Variants in DMRTA1 observed in about 807,000 individuals in gnomAD.
DMRTA1 encodes the protein DMRT like family A1.
DMRTA1 carries 34 observed loss-of-function variants against 35.2 expected under a neutral mutation model. The observed-to-expected ratio is 0.97, with a 90% CI of 0.74 to 1.29. DMRTA1 has a LOEUF of 1.29. Among genes scored for constraint, DMRTA1 ranks in the 50% most tolerant of loss-of-function variants. DMRTA1 has a pLI of 0.00. For synonymous variants in DMRTA1, 344 were observed against 276.6 expected, an observed-to-expected ratio of 1.24 and a Z score of -2.42; for missense variants, 824 against 644.6, an observed-to-expected ratio of 1.28 and a Z score of -3.01.
chr9:22,449,799 C>T (rs1411111266), intron 1 of DMRTA1, among the ~76,000 whole-genome samples: 1 of 152,040 alleles, frequency 6.6e-6, no homozygotes, highest in African/African-American at 2.4e-5. Flanking sequence ...AAATTGTATA[C>T]ACTTTAATTT....
Position 22,451,259 on chromosome 9 carries a change from G to A in DMRTA1, c.863G>A (p.Gly288Asp), listed in dbSNP as rs952326505. 2 of 1,613,968 alleles carry A rather than the reference G, an allele frequency of 1.2e-6. No individual in the cohort carries two copies. Among genetic ancestry groups the A allele is most frequent in the African/African-American group, 2.7e-5 (2 of 74,928 alleles). ...CCTCATCCTGGAGAGCAATCAGGAG[G>A]TGAAGAGAGTCCCAGGTCCTTATCA... ...LSPHPGEQSGGEESPRSLSSS... is the reference protein window; with the variant it reads ...LSPHPGEQSGDEESPRSLSSS... Residue 288 changes from glycine to aspartate, a missense_variant, in exon 2 of 2, where the codon GGT (glycine) becomes GAT (aspartate). Transcript: ENST00000325870.
chr9:22,451,392 C>G lies in DMRTA1; in HGVS notation c.996C>G (p.Ile332Met), dbSNP rs779618649. 1.2e-6 allele frequency: 2 copies of G among 1,614,118 alleles called. No homozygotes were observed. Among genetic ancestry groups the G allele is most frequent in the South Asian group, 2.2e-5 (2 of 91,084 alleles). The change falls in exon 2 of 2, where the codon ATC becomes ATG. Residue 332 changes from isoleucine (I) to methionine (M), a missense_variant. Coordinates refer to ENST00000325870, the MANE Select transcript of DMRTA1 (RefSeq NM_022160.3). ...VSSRPRDPLD[I>M]LTKIFPNYRR... ...CAAGACCAAGAGATCCTCTTGATATCCTTACTAAGATTTTCCCAAATTACA... is the reference window on the plus strand; with the variant it reads ...CAAGACCAAGAGATCCTCTTGATATGCTTACTAAGATTTTCCCAAATTACA...
At position 22,453,038 on chromosome 9, in the gene DMRTA1, G is replaced by C. The variant is rs73650103; in HGVS notation, c.*1127G>C. ...TTTTTGTCCTCCCTCTGGCGCATTT[G>C]AAAACTATTTATTTCAGTCAGTGGA... On this transcript the variant is annotated 3_prime_UTR_variant, in exon 2 of 2. Coordinates refer to ENST00000325870, the MANE Select transcript of DMRTA1 (RefSeq NM_022160.3). The C allele has an allele frequency of 3.6e-3, 550 of 152,156 alleles. 4 individuals carry two copies. Among genetic ancestry groups the C allele is most frequent in the African/African-American group, 0.013 (525 of 41,538 alleles). The allele number at this position is 152,156 out of a possible 1,614,324, so 9.4% of individuals were successfully genotyped here.
At position 22,453,031 on chromosome 9, in the gene DMRTA1, C is replaced by T. The variant is rs1289819779; in HGVS notation, c.*1120C>T. 1.3e-5 allele frequency: 2 copies of T among 152,174 alleles called. No individual in the cohort carries two copies. Among genetic ancestry groups the T allele is most frequent in the East Asian group, 3.9e-4 (2 of 5,188 alleles). 9.4% of individuals were successfully genotyped at this position (152,174 alleles called of 1,614,324 possible). On this transcript the variant is annotated 3_prime_UTR_variant, in exon 2 of 2. Transcript: ENST00000325870. ...AAAATAATTTTTGTCCTCCCTCTGGCGCATTTGAAAACTATTTATTTCAGT... is the reference window on the plus strand; with the variant it reads ...AAAATAATTTTTGTCCTCCCTCTGGTGCATTTGAAAACTATTTATTTCAGT...
rs1166705400 is a variant in DMRTA1 at position 22,447,466 on chromosome 9, G to A, written c.401G>A (p.Arg134His). The change falls in exon 1 of 2, where the codon CGC (arginine) becomes CAC (histidine). Residue 134 changes from arginine to histidine, a missense_variant. By Grantham distance (29) the Arg-to-His change is conservative. Transcript: ENST00000325870. ...TGCACCCTGATCGCCGAGCGCCAGC[G>A]CGTCATGGCCGCCCAGGTGGCGCTG... ...AKCTLIAERQ[R>H]VMAAQVALRR... 1 of 1,554,756 alleles carries A rather than the reference G, an allele frequency of 6.4e-7. No individual in the cohort carries two copies. Among genetic ancestry groups the A allele is most frequent in the South Asian group, 1.2e-5 (1 of 85,418 alleles).
In DMRTA1 at chr9:22,451,433, A is replaced by T; in HGVS notation, c.1037A>T (p.Glu346Val). The T allele has an allele frequency of 6.2e-7, 1 of 1,614,176 alleles. No individual in the cohort carries two copies. Among genetic ancestry groups the T allele is most frequent in the Non-Finnish European group, 8.5e-7 (1 of 1,179,996 alleles). The change falls in exon 2 of 2, where the codon GAA becomes GTA. Residue 346 changes from glutamate to valine, a missense_variant. Glu to Val is a moderately radical substitution (Grantham distance 121, BLOSUM62 -2). Transcript: ENST00000325870. ...CCAAATTACAGGCGCAGCCGGCTAGAAGGCATTCTACGGTTCTGCAAAGGG... is the reference window on the plus strand; with the variant it reads ...CCAAATTACAGGCGCAGCCGGCTAGTAGGCATTCTACGGTTCTGCAAAGGG... ...IFPNYRRSRL[E>V]GILRFCKGDV...
chr9:22,451,926 C>T lies in DMRTA1; in HGVS notation c.*15C>T, dbSNP rs754562934. Reference sequence around the variant, plus strand: ...ACAATCCGTAATGTATATGCCCATTCTCTCTTTCTGGAGTTTTTCCAGCAT... The same window carrying T: ...ACAATCCGTAATGTATATGCCCATTTTCTCTTTCTGGAGTTTTTCCAGCAT... On this transcript the variant is annotated 3_prime_UTR_variant, in exon 2 of 2. Coordinates refer to ENST00000325870, the MANE Select transcript of DMRTA1 (RefSeq NM_022160.3). 8.1e-6 allele frequency: 13 copies of T among 1,611,500 alleles called. No individual in the cohort carries two copies. The highest frequency in any genetic ancestry group is 4.4e-5 in the South Asian group (4 of 90,996).
chr9:22,448,826 T>G (rs1450763175), intron 1 of DMRTA1, among the ~76,000 whole-genome samples: 5 of 146,192 alleles, frequency 3.4e-5, no homozygotes, highest in Non-Finnish European at 5.9e-5. Context: ...TCAGAGTGAA[T>G]TTTGTGTTTG....
chr9:22,451,734 A>T lies in DMRTA1; in HGVS notation c.1338A>T (p.Arg446Ser). 1.2e-6 allele frequency: 2 copies of T among 1,614,084 alleles called. No individual in the cohort carries two copies. The highest frequency in any genetic ancestry group is 1.7e-6 in the Non-Finnish European group (2 of 1,179,940). Residue 446 changes from arginine (R) to serine (S), a missense_variant, in exon 2 of 2, where the codon AGA (arginine) becomes AGT (serine). Transcript: ENST00000325870. ...GGCTGGCATATTCTTCTGCAGGAAG[A>T]GGGTTATCTGGTTTTATGTCACCCT... is the stretch of plus-strand genomic sequence containing the variant. Reference protein sequence around the residue: ...PLRLAYSSAGRGLSGFMSPYL... With the variant: ...PLRLAYSSAGSGLSGFMSPYL...
In DMRTA1 at chr9:22,451,370, G is replaced by A; in HGVS notation, c.974G>A (p.Arg325Lys). 6.2e-7 allele frequency: 1 copy of A among 1,614,078 alleles called. No homozygotes were observed. Residue 325 changes from arginine (R) to lysine (K), a missense_variant, in exon 2 of 2, where the codon AGA (arginine) becomes AAA (lysine). Transcript: ENST00000325870. Reference sequence around the variant, plus strand: ...GCAAGCCTTCCGACAGTGTCCTCAAGACCAAGAGATCCTCTTGATATCCTT... The same window carrying A: ...GCAAGCCTTCCGACAGTGTCCTCAAAACCAAGAGATCCTCTTGATATCCTT... Reference protein sequence around the residue: ...TKASLPTVSSRPRDPLDILTK... With the variant: ...TKASLPTVSSKPRDPLDILTK...
In DMRTA1 at chr9:22,451,300, T is replaced by C; in HGVS notation, c.904T>C (p.Ser302Pro). 1 of 1,614,118 alleles carries C rather than the reference T, an allele frequency of 6.2e-7. No individual in the cohort carries two copies. Among genetic ancestry groups the C allele is most frequent in the Non-Finnish European group, 8.5e-7 (1 of 1,179,972 alleles). Residue 302 changes from serine (S) to proline (P), a missense_variant, in exon 2 of 2, where the codon TCA (serine) becomes CCA (proline). Coordinates refer to ENST00000325870, the MANE Select transcript of DMRTA1 (RefSeq NM_022160.3). ...GTCCTTATCATCCTCTGATCTGGAA[T>C]CAGGAAATGAAAGTGAATGGGTCAA... ...PRSLSSSDLE[S>P]GNESEWVKDL...
At position 22,453,908 on chromosome 9, in the gene DMRTA1, A is replaced by C. The variant is rs1334625025; in HGVS notation, c.*1997A>C. ...GGAAGTTACATTATACAATAGAGAT[A>C]TGGTTTAAAAAAAAATCCTAGAGTT... is the stretch of plus-strand genomic sequence containing the variant. On this transcript the variant is annotated 3_prime_UTR_variant, in exon 2 of 2. Transcript: ENST00000325870. The C allele has an allele frequency of 1.3e-5, 2 of 152,088 alleles. No individual in the cohort carries two copies. The highest frequency in any genetic ancestry group is 2.9e-5 in the Non-Finnish European group (2 of 67,952). 9.4% of individuals were successfully genotyped at this position (152,088 alleles called of 1,614,324 possible).
Position 22,446,982 on chromosome 9 carries a change from C to T in DMRTA1, c.-84C>T. 1.3e-6 allele frequency: 2 copies of T among 1,519,900 alleles called. No homozygotes were observed. Among genetic ancestry groups the T allele is most frequent in the African/African-American group, 1.4e-5 (1 of 70,580 alleles). The allele number at this position is 1,519,900 out of a possible 1,614,324, so 94.2% of individuals were successfully genotyped here. A position where few individuals can be genotyped will look rare whatever the true frequency, so the allele number is the denominator to read the frequency against. ...CTCAGTAGGACCACGGCGCGTCCTG[C>T]CCCGGCTTCCCCAGCCTCCCAGCAG... is the stretch of plus-strand genomic sequence containing the variant. On this transcript the variant is annotated 5_prime_UTR_variant, in exon 1 of 2. Transcript: ENST00000325870.
chr9:22,447,217 C>G lies in DMRTA1; in HGVS notation c.152C>G (p.Pro51Arg). The change falls in exon 1 of 2, where the codon CCC becomes CGC. Residue 51 changes from proline (P) to arginine (R), a missense_variant. Physicochemically the swap from Pro to Arg is moderately radical, Grantham distance 103. Transcript: ENST00000325870. Reference protein sequence around the residue: ...MQVPPAFLRPPSLFLRAAAAA... With the variant: ...MQVPPAFLRPRSLFLRAAAAA... ...GTTCCCCCAGCGTTCCTGCGGCCGC[C>G]CAGCCTCTTTCTGCGAGCAGCGGCC... The G allele has an allele frequency of 6.4e-7, 1 of 1,569,130 alleles. No homozygotes were observed. The highest frequency in any genetic ancestry group is 8.6e-7 in the Non-Finnish European group (1 of 1,162,432).
chr9:22,447,173 G>A lies in DMRTA1; in HGVS notation c.108G>A (p.Pro36=), dbSNP rs758130740. The change falls in exon 1 of 2, where the codon CCG becomes CCA. Residue 36 remains proline (P), a synonymous_variant. Transcript: ENST00000325870. The stretch of plus-strand genomic sequence containing the variant: ...CTCCGCCCCCGTCCCCGGCGTTGCC[G>A]GTACCATCGGGGATGCAGGTTCCCC... ...AAPPPPSPAL[P]VPSGMQVPPA... 1.9e-6 allele frequency: 3 copies of A among 1,601,488 alleles called. No individual in the cohort carries two copies. The highest frequency in any genetic ancestry group is 2.2e-5 in the South Asian group (2 of 90,290).
At chr9:22,450,392 C>T (rs926018637) in intron 1 of DMRTA1, among the ~76,000 whole-genome samples, 25 of 148,774 alleles carry the variant, frequency 1.7e-4, no homozygotes, top group East Asian at 5.9e-4. Context: ...TGAAAAATAC[C>T]GTCTGTGTCA....
chr9:22,449,123 A>G (rs1818885205), intron 1 of DMRTA1, among the ~76,000 whole-genome samples: 1 of 152,170 alleles, frequency 6.6e-6, no homozygotes, highest in Non-Finnish European at 1.5e-5. Flanking sequence ...CTCCCCCATA[A>G]GAAGCAAGCT....
Position 22,446,832 on chromosome 9 carries a change from G to T in DMRTA1, c.-234G>T, listed in dbSNP as rs983770769. On this transcript the variant is annotated 5_prime_UTR_variant, in exon 1 of 2. Coordinates refer to ENST00000325870, the MANE Select transcript of DMRTA1 (RefSeq NM_022160.3). ...GGAGGCACAAAGGCATTAACTTAGC[G>T]CCCGGGGTCTCTGCCAGGCTCACGG... 3.4e-5 allele frequency: 18 copies of T among 532,220 alleles called. No individual in the cohort carries two copies. Among genetic ancestry groups the T allele is most frequent in the Non-Finnish European group, 4.5e-5 (14 of 311,716 alleles). The allele number at this position is 532,220 out of a possible 1,614,324, so 33.0% of individuals were successfully genotyped here.
At position 22,451,516 on chromosome 9, in the gene DMRTA1, A is replaced by G. The variant is rs1329099222; in HGVS notation, c.1120A>G (p.Arg374Gly). Residue 374 changes from arginine to glycine, a missense_variant, in exon 2 of 2, where the codon AGG becomes GGG. Coordinates refer to ENST00000325870, the MANE Select transcript of DMRTA1 (RefSeq NM_022160.3). ...TGGCAAAGAACACAAGCCAGACAAC[A>G]GGAACCTAGCAAACTCAGAAGAACT... ...LNGKEHKPDN[R>G]NLANSEELEN... The G allele has an allele frequency of 1.2e-6, 2 of 1,614,178 alleles. No homozygotes were observed. Among genetic ancestry groups the G allele is most frequent in the Non-Finnish European group, 1.7e-6 (2 of 1,179,988 alleles).
Sources: allele counts gnomAD v4.1 joint callset (sites outside exome capture counted in the v4.1 genomes callset), GRCh38; gene constraint gnomAD v4.1.1; transcripts MANE v1.5; gene names NCBI Gene and HGNC (gene_info 2026-07-23, HGNC 2026-07-21).